The following SPAG16 variants were observed in gnomAD, a reference collection of about 807,000 sequenced individuals.
SPAG16 encodes the protein sperm associated antigen 16, also known as sperm-associated antigen 16 protein.
Under a neutral mutation model 80.4 loss-of-function variants are expected in SPAG16, and 86 were observed. The ratio of observed to expected loss-of-function variants is 1.07; its 90% CI spans 0.90 to 1.28. The LOEUF is 1.28. SPAG16 is among the 50% of genes most tolerant of loss of function. The probability of loss-of-function intolerance (pLI) is 0.00; values close to 1 mark genes in which losing one functional copy is unlikely to be tolerated. For missense variants in SPAG16, 870 were observed against 765.3 expected (o/e 1.14, Z -1.61); for synonymous variants, 294 against 265.9 (o/e 1.11, Z -1.03).
intron 13 of SPAG16, among the ~76,000 whole-genome samples, chr2:214,023,885 T>C (rs914512868): frequency 2.6e-5 from 4 of 151,728 alleles, no homozygotes; most frequent in African/African-American, 9.7e-5. Flanking sequence ...AATAATGGCA[T>C]TAAATAATTT....
chr2:213,293,220 T>C (rs938615534), intron 1 of SPAG16, among the ~76,000 whole-genome samples: 2 of 152,190 alleles, frequency 1.3e-5, no homozygotes, highest in African/African-American at 4.8e-5. Context: ...TGATTGTAAG[T>C]TTCCTGAGGT....
intron 10 of SPAG16, among the ~76,000 whole-genome samples, chr2:213,513,327 G>A (rs957818094): frequency 6.6e-6 from 1 of 152,098 alleles, no homozygotes; most frequent in African/African-American, 2.4e-5. Context: ...TTGAGGATGG[G>A]GACCTACAAT....
chr2:213,406,749 T>A, intron 9 of SPAG16, among the ~76,000 whole-genome samples: 1 of 151,986 alleles, frequency 6.6e-6, no homozygotes, highest in East Asian at 1.9e-4. Flanking sequence ...CGAGTGCAAT[T>A]TCTTTTGTGG....
At chr2:214,175,548 AT>A (rs1040010071) in intron 15 of SPAG16, among the ~76,000 whole-genome samples, 1 of 151,096 alleles carries the variant, frequency 6.6e-6, no homozygotes, top group African/African-American at 2.4e-5. Context: ...AGATCGGGGT[AT>A]CTTGATTGAC....
intron 10 of SPAG16, among the ~76,000 whole-genome samples, chr2:213,550,750 G>A (rs2076755663): frequency 6.6e-6 from 1 of 151,948 alleles, no homozygotes; most frequent in South Asian, 2.1e-4. Context: ...TATTGGCTAT[G>A]GGGAATAAAA....
intron 1 of SPAG16, chr2:213,285,833 G>C: frequency 8.5e-7 from 1 of 1,180,290 alleles, no homozygotes; most frequent in Non-Finnish European, 1.1e-6. Context: ...GTAACAGGCA[G>C]TCTTTTCCAG....
chr2:214,157,329 T>C (rs2125591963), intron 15 of SPAG16, among the ~76,000 whole-genome samples: 1 of 152,260 alleles, frequency 6.6e-6, no homozygotes. Context: ...AAGTCAGAAT[T>C]GCATTTCATT....
intron 10 of SPAG16, among the ~76,000 whole-genome samples, chr2:213,825,304 G>C (rs552731488): frequency 6.6e-6 from 1 of 152,150 alleles, no homozygotes; most frequent in African/African-American, 2.4e-5. Context: ...TCATATTCTA[G>C]ATCTTTGAGA....
At chr2:214,154,044 G>A (rs1473581227) in intron 15 of SPAG16, among the ~76,000 whole-genome samples, 1 of 152,060 alleles carries the variant, frequency 6.6e-6, no homozygotes. Context: ...GTAATATAAT[G>A]CTACACATTT....
intron 14 of SPAG16, among the ~76,000 whole-genome samples, chr2:214,137,390 T>TA (rs1288963101): frequency 2.0e-5 from 3 of 152,098 alleles, no homozygotes; most frequent in African/African-American, 7.2e-5. Flanking sequence ...AAAATATAGT[T>TA]TAGCTATATA....
Position 213,790,170 on chromosome 2 carries a change from A to G in SPAG16, c.1071-72315A>G, listed in dbSNP as rs113744093. Among the ~76,000 whole-genome samples the G allele has an allele frequency of 2.0e-3, 306 of 152,096 alleles. 2 individuals carry two copies. The highest frequency in any genetic ancestry group is 7.0e-3 in the African/African-American group (289 of 41,566). On this transcript the variant is annotated intron_variant, in intron 10 of 15. Coordinates refer to ENST00000331683, the MANE Select transcript of SPAG16 (RefSeq NM_024532.5). ...TTCTCATAAATTAATCATGAATTTTATTATTAAGCATCACTGATGATTCAT... is the reference window on the plus strand; with the variant it reads ...TTCTCATAAATTAATCATGAATTTTGTTATTAAGCATCACTGATGATTCAT...
intron 10 of SPAG16, among the ~76,000 whole-genome samples, chr2:213,530,732 C>T (rs962808141): frequency 6.6e-6 from 1 of 151,712 alleles, no homozygotes; most frequent in African/African-American, 2.4e-5. Context: ...TATCTAGTAA[C>T]TTTCTCCCCT....
At chr2:213,565,124 C>A (rs1392327108) in intron 10 of SPAG16, among the ~76,000 whole-genome samples, 1 of 152,184 alleles carries the variant, frequency 6.6e-6, no homozygotes, top group Non-Finnish European at 1.5e-5. Flanking sequence ...AGGCCTAGCT[C>A]TACCCCCAGC....
chr2:213,868,025 G>A (rs1462622746), intron 11 of SPAG16, among the ~76,000 whole-genome samples: 1 of 151,420 alleles, frequency 6.6e-6, no homozygotes, highest in Non-Finnish European at 1.5e-5. Context: ...GTGTTTTCTG[G>A]ATTATACCAA....
At chr2:213,343,647 TAAAC>T (rs749604235) in intron 6 of SPAG16, among the ~76,000 whole-genome samples, 10 of 151,918 alleles carry the variant, frequency 6.6e-5, no homozygotes, top group Non-Finnish European at 1.3e-4. Flanking sequence ...TAAGGAGTGA[TAAAC>T]AGAATTAAAC....
chr2:213,682,457 G>A (rs376957234), intron 10 of SPAG16, among the ~76,000 whole-genome samples: 53 of 152,312 alleles, frequency 3.5e-4, no homozygotes, highest in African/African-American at 1.2e-3. Flanking sequence ...AACACAAAAA[G>A]TGGCTCAACA....
intron 10 of SPAG16, among the ~76,000 whole-genome samples, chr2:213,708,347 A>C (rs995966943): frequency 1.3e-5 from 2 of 152,244 alleles, no homozygotes; most frequent in Non-Finnish European, 2.9e-5. Flanking sequence ...TTATAGAAAT[A>C]GTAGCACTTA....
At chr2:213,779,832 T>C (rs376081223) in intron 10 of SPAG16, among the ~76,000 whole-genome samples, 1 of 152,192 alleles carries the variant, frequency 6.6e-6, no homozygotes, top group South Asian at 2.1e-4. Flanking sequence ...AAACGTGTTA[T>C]TTTATCCCAG....
At chr2:214,212,198 T>A (rs1576506985) in intron 15 of SPAG16, among the ~76,000 whole-genome samples, 1 of 152,068 alleles carries the variant, frequency 6.6e-6, no homozygotes, top group South Asian at 2.1e-4. Context: ...TCTCCCTCAC[T>A]CTCTTGTTTC....
Sources: gnomAD v4.1 joint callset for allele counts (sites outside exome capture counted in the v4.1 genomes callset) on GRCh38, gnomAD v4.1.1 for gene constraint, MANE v1.5 for transcripts, NCBI Gene and HGNC (gene_info 2026-07-23, HGNC 2026-07-21) for gene names.